The following COL5A1 variants were observed in gnomAD, a reference collection of about 807,000 sequenced individuals.
The protein encoded by COL5A1 is collagen alpha-1(V) chain.
Under a neutral mutation model 263.7 loss-of-function variants are expected in COL5A1, and 16 were observed. That is an observed-to-expected ratio of 0.06 (90% CI 0.04 to 0.09). The LOEUF (loss-of-function observed/expected upper bound fraction) is 0.09, where lower values mean the gene tolerates loss of function less well. Among genes scored for constraint, COL5A1 ranks in the 10% least tolerant of loss-of-function variants. COL5A1 has a pLI of 1.00. For missense variants in COL5A1, 2,036 were observed against 2,540.5 expected (o/e 0.80, Z 4.27); for synonymous variants, 1,012 against 1,004.5 (o/e 1.01, Z -0.14).
At chr9:134,693,736 G>C (rs942559125) in intron 2 of COL5A1, among the ~76,000 whole-genome samples, 1 of 152,168 alleles carries the variant, frequency 6.6e-6, no homozygotes, top group Non-Finnish European at 1.5e-5. Flanking sequence ...TCTGTTGCTC[G>C]GACTCTGTCC....
intron 1 of COL5A1, among the ~76,000 whole-genome samples, chr9:134,670,397 C>T (rs1832503517): frequency 6.6e-6 from 1 of 152,228 alleles, no homozygotes; most frequent in South Asian, 2.1e-4. Context: ...AACTGTGCCC[C>T]AGGCAGTGTT....
At chr9:134,709,409 G>A (rs1478493731) in intron 4 of COL5A1, among the ~76,000 whole-genome samples, 2 of 152,232 alleles carry the variant, frequency 1.3e-5, no homozygotes, top group Non-Finnish European at 2.9e-5. Flanking sequence ...GAGCCAGTGT[G>A]CAGTGTGGCA....
rs1835288833 is a variant in COL5A1 at position 134,741,158 on chromosome 9, G to A, written c.1494+2350G>A. ...TGAAAGATCACTGGCTATGGGGTGAGGCCCTGCAGTGCAGCCTGCGGTGGG... is the reference window on the plus strand; with the variant it reads ...TGAAAGATCACTGGCTATGGGGTGAAGCCCTGCAGTGCAGCCTGCGGTGGG... On this transcript the variant is annotated intron_variant, in intron 11 of 65. Coordinates refer to ENST00000371817, the MANE Select transcript of COL5A1 (RefSeq NM_000093.5). This position sits in a 1 kb window ranked among gnomAD's most constrained non-coding sequence, Gnocchi z 4.5. Among the ~76,000 whole-genome samples the A allele has an allele frequency of 6.6e-6, 1 of 152,244 alleles. No individual in the cohort carries two copies. The highest frequency in any genetic ancestry group is 2.4e-5 in the African/African-American group (1 of 41,466).
Position 134,794,013 on chromosome 9 carries a change from C to T in COL5A1, c.2701-1069C>T, listed in dbSNP as rs1837808957. On this transcript the variant is annotated intron_variant, in intron 32 of 65. Coordinates refer to ENST00000371817, the MANE Select transcript of COL5A1 (RefSeq NM_000093.5). This position sits in a 1 kb window ranked among gnomAD's most constrained non-coding sequence, Gnocchi z 4.3. The stretch of plus-strand genomic sequence containing the variant: ...GATGGCCTCCAGCCATACAGATCCA[C>T]CTTGGGCGGAGCATCAGAAACCAGT... 6.6e-6 allele frequency among the ~76,000 whole-genome samples: 1 copy of T among 152,198 alleles called. No homozygotes were observed.
intron 1 of COL5A1, among the ~76,000 whole-genome samples, chr9:134,666,839 C>T (rs376466166): frequency 3.0e-4 from 46 of 152,254 alleles, no homozygotes; most frequent in African/African-American, 9.6e-4. Context: ...TTCACCTGTG[C>T]GATAGGGTAA....
intron 57 of COL5A1, 108 bp downstream of exon 57, chr9:134,819,161 C>A: frequency 8.4e-7 from 1 of 1,193,052 alleles, no homozygotes; most frequent in Non-Finnish European, 1.2e-6. Flanking sequence ...ATGTGTCAAG[C>A]ACCTGCTGCA....
intron 20 of COL5A1, among the ~76,000 whole-genome samples, chr9:134,763,996 G>T (rs1326906181): frequency 6.6e-6 from 1 of 150,846 alleles, no homozygotes; most frequent in Admixed American, 6.6e-5. Flanking sequence ...TGGGGGTCCA[G>T]GGGCAGCGTG....
chr9:134,744,734 C>G (rs1473838034), intron 11 of COL5A1, among the ~76,000 whole-genome samples: 1 of 152,128 alleles, frequency 6.6e-6, no homozygotes, highest in East Asian at 1.9e-4. Context: ...CACACATGCA[C>G]TCACACACCT....
At chr9:134,820,670 T>A (rs1032578552) in intron 58 of COL5A1, among the ~76,000 whole-genome samples, 1 of 152,124 alleles carries the variant, frequency 6.6e-6, no homozygotes, top group African/African-American at 2.4e-5. Flanking sequence ...CTGTAGCTCA[T>A]TGGAGTTTGC....
At position 134,680,924 on chromosome 9, in the gene COL5A1, G is replaced by A. The variant is rs967500021; in HGVS notation, c.110-9988G>A. On this transcript the variant is annotated intron_variant, in intron 1 of 65. Coordinates refer to ENST00000371817, the MANE Select transcript of COL5A1 (RefSeq NM_000093.5). This position sits in a 1 kb window ranked among gnomAD's most constrained non-coding sequence, Gnocchi z 5.9. Reference sequence around the variant, plus strand: ...TTTGGGCTCAGGTCTCCAGGTCTCCGCCTGGCACTGCAGCCTCGGGGGGCA... The same window carrying A: ...TTTGGGCTCAGGTCTCCAGGTCTCCACCTGGCACTGCAGCCTCGGGGGGCA... Among the ~76,000 whole-genome samples, 2 of 152,148 alleles carry A rather than the reference G, an allele frequency of 1.3e-5. No homozygotes were observed. The highest frequency in any genetic ancestry group is 2.4e-5 in the African/African-American group (1 of 41,426).
chr9:134,738,454 C>T lies in COL5A1; in HGVS notation c.1390-20C>T, dbSNP rs1452286372. 6.2e-7 allele frequency: 1 copy of T among 1,613,992 alleles called. No individual in the cohort carries two copies. Among genetic ancestry groups the T allele is most frequent in the Non-Finnish European group, 8.5e-7 (1 of 1,180,020 alleles). On this transcript the variant is annotated intron_variant, in intron 9 of 65. Coordinates refer to ENST00000371817, the MANE Select transcript of COL5A1 (RefSeq NM_000093.5). ...GAGGGATGGGCTGCGGTCTCAGACG[C>T]CCTCTCTCTGTCTCCCCAGGGCATG...
Position 134,809,294 on chromosome 9 carries a change from A to C in COL5A1, c.3474+4A>C, listed in dbSNP as rs1367433912. On this transcript the variant is annotated splice_donor_region_variant and intron_variant, in intron 43 of 65. Transcript: ENST00000371817. ...CCCTGGAGAAGACGGAGATAAGGTAAGGCAAATCCAGAGTGACCCATGGCT... is the reference window on the plus strand; with the variant it reads ...CCCTGGAGAAGACGGAGATAAGGTACGGCAAATCCAGAGTGACCCATGGCT... The C allele has an allele frequency of 1.2e-6, 2 of 1,603,416 alleles. No homozygotes were observed. The highest frequency in any genetic ancestry group is 2.2e-5 in the South Asian group (2 of 89,308).
At position 134,823,556 on chromosome 9, in the gene COL5A1, C is replaced by A. The variant is rs1372523721; in HGVS notation, c.4698+87C>A. 6 of 1,375,242 alleles carry A rather than the reference C, an allele frequency of 4.4e-6. No individual in the cohort carries two copies. The Admixed American group carries it at 1.0e-4, about 24-fold the overall frequency. The allele number at this position is 1,375,242 out of a possible 1,614,324, so 85.2% of individuals were successfully genotyped here. ...AGAAAGCAACTGTGTGTGTGTGACC[C>A]CTCCTGAGACTCATGAAGCCCATGT... On this transcript the variant is annotated intron_variant, in intron 61 of 65. Transcript: ENST00000371817.
At chr9:134,766,584 C>A in intron 22 of COL5A1, 86 bp downstream of exon 22, 1 of 1,380,646 alleles carries the variant, frequency 7.2e-7, no homozygotes, top group Non-Finnish European at 1.0e-6. Context: ...CCATCGCTGT[C>A]CACATCAGCT....
At chr9:134,813,232 G>A (rs2132849921) in intron 48 of COL5A1, among the ~76,000 whole-genome samples, 1 of 152,174 alleles carries the variant, frequency 6.6e-6, no homozygotes, top group Admixed American at 6.5e-5. Context: ...GCTCCTGTGT[G>A]CACATCGGTG....
At chr9:134,666,664 T>C (rs1411254461) in intron 1 of COL5A1, among the ~76,000 whole-genome samples, 1 of 152,158 alleles carries the variant, frequency 6.6e-6, no homozygotes, top group African/African-American at 2.4e-5. Flanking sequence ...GTCCTTTCTC[T>C]ACCAGGGGGC....
Position 134,750,953 on chromosome 9 carries a change from G to GA in COL5A1, c.1662+72dup, listed in dbSNP as rs1464371493. ...GCCCCAGGGGCCAACAGGAGTGAGTGAGTCAGGCTCAGAGCCCAACTTGGA... is the reference window on the plus strand; with the variant it reads ...GCCCCAGGGGCCAACAGGAGTGAGTGAAGTCAGGCTCAGAGCCCAACTTGGA... On this transcript the variant is annotated intron_variant, in intron 13 of 65. Transcript: ENST00000371817. 1.3e-5 allele frequency: 18 copies of GA among 1,344,656 alleles called. No individual in the cohort carries two copies. In the East Asian group the frequency reaches 4.3e-4, roughly 32 times the overall value. The allele number at this position is 1,344,656 out of a possible 1,614,324, so 83.3% of individuals were successfully genotyped here. A position where few individuals can be genotyped will look rare whatever the true frequency, so the allele number is the denominator to read the frequency against.
At chr9:134,683,424 CCA>C (rs976251738) in intron 1 of COL5A1, among the ~76,000 whole-genome samples, 6 of 152,198 alleles carry the variant, frequency 3.9e-5, no homozygotes, top group Non-Finnish European at 8.8e-5. Context: ...ACCACTGCAC[CCA>C]GAGATGGGCA....
intron 44 of COL5A1, 150 bp downstream of exon 44, chr9:134,810,458 A>G: frequency 2.8e-6 from 2 of 722,184 alleles, no homozygotes; most frequent in Non-Finnish European, 2.4e-6. Flanking sequence ...GTGTGTTCCC[A>G]CAACGTGTGT....
Sources: allele counts gnomAD v4.1 joint callset (sites outside exome capture counted in the v4.1 genomes callset), GRCh38; gene constraint gnomAD v4.1.1; non-coding constraint Gnocchi (gnomAD v3.1); transcripts MANE v1.5; gene names NCBI Gene and HGNC (gene_info 2026-07-23, HGNC 2026-07-21).